The following TMEM53 variants were observed in gnomAD, a reference collection of about 807,000 sequenced individuals.
TMEM53 encodes the protein novel DUF829 domain-containing protein.
Under a neutral mutation model 21.4 loss-of-function variants are expected in TMEM53, and 14 were observed. That is an observed-to-expected ratio of 0.65 (90% confidence interval 0.43 to 1.02). TMEM53 has a LOEUF of 1.02. Among genes scored for constraint, TMEM53 ranks in the 50% least tolerant of loss-of-function variants. The probability of loss-of-function intolerance (pLI) is 0.00; values close to 1 mark genes in which losing one functional copy is unlikely to be tolerated. For missense variants in TMEM53, 323 were observed against 383.6 expected, an observed-to-expected ratio of 0.84 and a Z score of 1.32; for synonymous variants, 148 against 157.4, an observed-to-expected ratio of 0.94 and a Z score of 0.45.
chr1:44,663,753 A>G (rs1423204556), intron 1 of TMEM53, among the ~76,000 whole-genome samples: 4 of 152,200 alleles, frequency 2.6e-5, no homozygotes, highest in Non-Finnish European at 5.9e-5. Flanking sequence ...ATTCAGACTT[A>G]CCAGAACCCT....
At chr1:44,672,427 C>T (rs772165824) in intron 1 of TMEM53, among the ~76,000 whole-genome samples, 2 of 152,334 alleles carry the variant, frequency 1.3e-5, no homozygotes, top group African/African-American at 4.8e-5. Flanking sequence ...GCTCCTTGGG[C>T]GTGTGAGTCA....
chr1:44,661,766 C>CA (rs1644904290), intron 1 of TMEM53, among the ~76,000 whole-genome samples: 1 of 152,334 alleles, frequency 6.6e-6, no homozygotes, highest in African/African-American at 2.4e-5. Context: ...ACTACTCCAG[C>CA]ACCATCTGTG....
chr1:44,673,790 G>A (rs1414752554), intron 1 of TMEM53: 1 of 934,946 alleles, frequency 1.1e-6, no homozygotes, highest in Non-Finnish European at 1.3e-6. Flanking sequence ...GCTCCTAAAG[G>A]AAGGAGTCAG....
intron 1 of TMEM53, among the ~76,000 whole-genome samples, chr1:44,672,033 C>T (rs1645006562): frequency 6.6e-6 from 1 of 152,240 alleles, no homozygotes; most frequent in South Asian, 2.1e-4. Context: ...ATCTCTGGGG[C>T]TCCAAAAGAC....
chr1:44,658,681 A>G (rs1408319170), intron 2 of TMEM53, among the ~76,000 whole-genome samples: 1 of 152,132 alleles, frequency 6.6e-6, no homozygotes. Flanking sequence ...CCTCCCTGGT[A>G]GCTGGGACTA....
At chr1:44,668,539 C>T (rs1393227346) in intron 1 of TMEM53, among the ~76,000 whole-genome samples, 2 of 152,104 alleles carry the variant, frequency 1.3e-5, no homozygotes, top group East Asian at 3.8e-4. Context: ...ATATTTAAAT[C>T]AAATTTTTCT....
intron 1 of TMEM53, among the ~76,000 whole-genome samples, chr1:44,662,676 C>T (rs1302299839): frequency 6.6e-6 from 1 of 152,256 alleles, no homozygotes; most frequent in African/African-American, 2.4e-5. Flanking sequence ...CAGGCTCCCC[C>T]TCCCCTGCCT....
In TMEM53 at chr1:44,664,340, A is replaced by T. The variant is rs112143291; in HGVS notation, c.62-4045T>A. 8.6e-4 allele frequency among the ~76,000 whole-genome samples: 131 copies of T among 151,496 alleles called. 1 individual carries two copies. Among genetic ancestry groups the T allele is most frequent in the African/African-American group, 2.9e-3 (118 of 41,212 alleles). ...GTGGCACATGCCTGTAATCCCAGCT[A>T]CTCAGGAGGCTGAGGCAGGAGAATC... On this transcript the variant is annotated intron_variant, in intron 1 of 2. Transcript: ENST00000372237.
At chr1:44,657,547 G>C (rs137947480) in intron 2 of TMEM53, among the ~76,000 whole-genome samples, 1 of 152,056 alleles carries the variant, frequency 6.6e-6, no homozygotes, top group Admixed American at 6.5e-5. Flanking sequence ...TGTTTTGCTT[G>C]TTTTGTTTGA....
In TMEM53 at chr1:44,654,680, C is replaced by T. The variant is rs368635192; in HGVS notation, c.713G>A (p.Arg238His). Residue 238 changes from arginine (R) to histidine (H), a missense_variant, in exon 3 of 3, where the codon CGC becomes CAC. Arg to His is a conservative substitution (Grantham distance 29). This residue lies in a region of TMEM53 where 269 missense variants were observed against 334.5 expected (regional missense o/e 0.80). Coordinates refer to ENST00000372237, the MANE Select transcript of TMEM53 (RefSeq NM_024587.4). The surrounding 1 kb of genome is among the most constrained non-coding windows in gnomAD (Gnocchi z 7.0). Reference protein sequence around the residue: ...IERMVEARLARRVLARSVDFV... With the variant: ...IERMVEARLAHRVLARSVDFV... ...ATCCACAGAACGCGCCAGGACCCGG[C>T]GTGCCAGGCGTGCCTCCACCATGCG... The T allele has an allele frequency of 9.3e-6, 15 of 1,613,976 alleles. No individual in the cohort carries two copies. The highest frequency in any genetic ancestry group is 8.0e-5 in the African/African-American group (6 of 74,914).
chr1:44,667,019 T>C (rs1471958079), intron 1 of TMEM53, among the ~76,000 whole-genome samples: 1 of 151,940 alleles, frequency 6.6e-6, no homozygotes, highest in Non-Finnish European at 1.5e-5. Context: ...AATTTTTTAT[T>C]TTTTGTAGAG....
In TMEM53 at chr1:44,654,563, C is replaced by T. The variant is rs571826361; in HGVS notation, c.830G>A (p.Cys277Tyr). Residue 277 changes from cysteine to tyrosine, a missense_variant, in exon 3 of 3, where the codon TGC becomes TAC. By Grantham distance (194) the Cys-to-Tyr change is radical. Around this residue, in one of 3 missense-constraint regions of TMEM53, gnomAD observed 269 missense variants for 334.5 expected, o/e 0.80. Transcript: ENST00000372237. This position sits in a 1 kb window ranked among gnomAD's most constrained non-coding sequence, Gnocchi z 7.0. ...AGGTGAGATGGAGCAATGGCCTCAG[C>T]AGCGGACGCAGTTGCGCATGAAGTC... ...CVDFMRNCVR[C>Y] 4 of 1,602,362 alleles carry T rather than the reference C, an allele frequency of 2.5e-6. No homozygotes were observed. The highest frequency in any genetic ancestry group is 3.4e-6 in the Non-Finnish European group (4 of 1,170,808).
intron 1 of TMEM53, among the ~76,000 whole-genome samples, chr1:44,661,424 A>G (rs1343792661): frequency 6.6e-6 from 1 of 151,276 alleles, no homozygotes; most frequent in Non-Finnish European, 1.5e-5. Context: ...TTTTAAGAGT[A>G]AAAAAGGGGG....
At chr1:44,673,590 T>C (rs1354510216) in intron 1 of TMEM53, among the ~76,000 whole-genome samples, 5 of 152,234 alleles carry the variant, frequency 3.3e-5, no homozygotes, top group Non-Finnish European at 5.9e-5. Flanking sequence ...ATCCTACATG[T>C]CTTTCTTTAA....
chr1:44,660,456 T>C (rs1404399154), intron 1 of TMEM53, among the ~76,000 whole-genome samples, 161 bp from the exon 2 acceptor site: 3 of 152,226 alleles, frequency 2.0e-5, no homozygotes, highest in Non-Finnish European at 4.4e-5. Context: ...CACCCCGTGC[T>C]GCTCCAGCTG....
intron 1 of TMEM53, among the ~76,000 whole-genome samples, chr1:44,660,935 T>C (rs1268737203): frequency 2.7e-5 from 4 of 148,674 alleles, no homozygotes; most frequent in African/African-American, 5.0e-5. Flanking sequence ...ATTGAGCCAC[T>C]GCACTCCAGC....
At position 44,670,169 on chromosome 1, in the gene TMEM53, TAA is replaced by T. The variant is rs780360806; in HGVS notation, c.61+4160_61+4161del. ...AAAAATAAATACAACTCCTCTGTAT[TAA>T]AAAAAAAAAAAAAGACCTTTGGGGT... On this transcript the variant is annotated intron_variant, in intron 1 of 2. Transcript: ENST00000372237. 2.6e-4 allele frequency among the ~76,000 whole-genome samples: 27 copies of T among 103,696 alleles called. No individual in the cohort carries two copies. The South Asian group carries it at 3.2e-3, about 12-fold the overall frequency. The allele number at this position is 103,696 out of a possible 152,430, so 68.0% of individuals were successfully genotyped here. A position where few individuals can be genotyped will look rare whatever the true frequency, so the allele number is the denominator to read the frequency against.
At chr1:44,664,911 C>A (rs568515874) in intron 1 of TMEM53, among the ~76,000 whole-genome samples, 1 of 152,160 alleles carries the variant, frequency 6.6e-6, no homozygotes, top group South Asian at 2.1e-4. Context: ...GCCCACTATC[C>A]GGACCAGCGT....
intron 1 of TMEM53, among the ~76,000 whole-genome samples, chr1:44,671,225 A>G (rs556751546): frequency 1.3e-5 from 2 of 152,380 alleles, no homozygotes; most frequent in Admixed American, 1.3e-4. Context: ...ATTCTGGGTC[A>G]AACGACCGGC....
Sources: gnomAD v4.1 joint callset for allele counts (sites outside exome capture counted in the v4.1 genomes callset) on GRCh38, gnomAD v4.1.1 for gene constraint, gnomAD v4.1.1 regional missense constraint, Gnocchi (gnomAD v3.1) non-coding constraint, MANE v1.5 for transcripts, NCBI Gene and HGNC (gene_info 2026-07-23, HGNC 2026-07-21) for gene names.